Variants in BZW2 observed in about 807,000 individuals in gnomAD.
BZW2 encodes basic leucine zipper and W2 domains 2.
In BZW2, 23 loss-of-function variants were observed where a neutral mutation model predicts 53.2. That is an observed-to-expected ratio of 0.43 (90% confidence interval 0.31 to 0.61). The LOEUF is 0.61. Ranked by LOEUF, BZW2 falls within the 20% of genes least tolerant of loss-of-function variation. BZW2 has a pLI of 0.09. For missense variants in BZW2, 409 were observed against 503.1 expected (o/e 0.81, Z 1.79); for synonymous variants, 227 against 186.4 (o/e 1.22, Z -1.77).
At chr7:16,673,053 C>G (rs1036828066) in intron 2 of BZW2, among the ~76,000 whole-genome samples, 23 of 152,118 alleles carry the variant, frequency 1.5e-4, no homozygotes, top group African/African-American at 5.3e-4. Flanking sequence ...TCAAGTGATT[C>G]TCCTGCTTCA....
intron 2 of BZW2, among the ~76,000 whole-genome samples, chr7:16,673,145 A>T (rs919335900): frequency 5.9e-5 from 9 of 151,916 alleles, no homozygotes. Flanking sequence ...ACGGGGTTTC[A>T]CCACGTTAGC....
chr7:16,681,194 T>G, intron 3 of BZW2, 107 bp from the exon 4 acceptor site: 1 of 858,164 alleles, frequency 1.2e-6, no homozygotes, highest in Non-Finnish European at 1.8e-6. Context: ...TCTTAGATTT[T>G]ACATCTACTT....
intron 6 of BZW2, among the ~76,000 whole-genome samples, chr7:16,688,244 T>G (rs1562492443): frequency 6.6e-6 from 1 of 152,180 alleles, no homozygotes; most frequent in Non-Finnish European, 1.5e-5. Context: ...ATTCAGGACT[T>G]AAGTATTTTT....
intron 1 of BZW2, among the ~76,000 whole-genome samples, chr7:16,653,810 G>A (rs913238335): frequency 6.6e-6 from 1 of 152,104 alleles, no homozygotes; most frequent in African/African-American, 2.4e-5. Flanking sequence ...CATGGAGTGG[G>A]GCTAGGATAT....
chr7:16,689,685 C>T, intron 6 of BZW2, 112 bp from the exon 7 acceptor site: 2 of 777,960 alleles, frequency 2.6e-6, no homozygotes, highest in Admixed American at 3.4e-5. Flanking sequence ...TCATTTGTAC[C>T]AAAATTAGTC....
chr7:16,681,933 A>G (rs1250369831), intron 4 of BZW2, among the ~76,000 whole-genome samples: 1 of 152,192 alleles, frequency 6.6e-6, no homozygotes, highest in Admixed American at 6.5e-5. Flanking sequence ...TTTTTCTTGT[A>G]TACATGTTAA....
chr7:16,694,755 T>G, intron 7 of BZW2, 79 bp from the exon 8 acceptor site: 2 of 1,172,296 alleles, frequency 1.7e-6, no homozygotes, highest in Non-Finnish European at 1.2e-6. Flanking sequence ...ATATTCTAAG[T>G]GAAATGAAGA....
At chr7:16,657,111 G>A (rs140221030) in intron 1 of BZW2, among the ~76,000 whole-genome samples, 45 of 152,252 alleles carry the variant, frequency 3.0e-4, no homozygotes, top group Middle Eastern at 6.8e-3. Context: ...ATTATTGCTC[G>A]TGACTCTTTG....
intron 2 of BZW2, among the ~76,000 whole-genome samples, chr7:16,673,619 C>T (rs562474499): frequency 3.3e-5 from 5 of 152,108 alleles, no homozygotes; most frequent in East Asian, 3.9e-4. Flanking sequence ...CAAAAACTCC[C>T]TTTGGAATGC....
intron 6 of BZW2, 51 bp downstream of exon 6, chr7:16,686,091 G>T (rs768847978): frequency 1.3e-6 from 2 of 1,597,600 alleles, no homozygotes; most frequent in Non-Finnish European, 1.7e-6. Flanking sequence ...GAAAAATAAA[G>T]TCACAGATAG....
chr7:16,671,930 C>CAAAAAAAA lies in BZW2; in HGVS notation c.59-2472_59-2465dup, dbSNP rs56356463. On this transcript the variant is annotated intron_variant, in intron 2 of 11. Coordinates refer to ENST00000258761, the MANE Select transcript of BZW2 (RefSeq NM_014038.3). Reference sequence around the variant, plus strand: ...TGGGTGACAGAGTGAGACCCTGTTTCAAAAAAAAAAAAAAAAATCGGAACA... The same window carrying CAAAAAAAA: ...TGGGTGACAGAGTGAGACCCTGTTTCAAAAAAAAAAAAAAAAAAAAAAAAATCGGAACA... Among the ~76,000 whole-genome samples the CAAAAAAAA allele has an allele frequency of 1.1e-4, 11 of 99,400 alleles. 1 individual carries two copies. Among genetic ancestry groups the CAAAAAAAA allele is most frequent in the Non-Finnish European group, 1.4e-4 (7 of 50,626 alleles). The allele number at this position is 99,400 out of a possible 152,430, so 65.2% of individuals were successfully genotyped here. A position where few individuals can be genotyped will look rare whatever the true frequency, so the allele number is the denominator to read the frequency against.
intron 1 of BZW2, chr7:16,662,171 G>A (rs1190930828): frequency 1.3e-5 from 2 of 152,058 alleles, no homozygotes; most frequent in African/African-American, 4.8e-5. Context: ...AGGGAAGTGG[G>A]GCCTCTGCTC....
intron 7 of BZW2, 53 bp downstream of exon 7, chr7:16,689,959 A>T: frequency 7.3e-7 from 1 of 1,374,976 alleles, no homozygotes; most frequent in Non-Finnish European, 1.0e-6. Flanking sequence ...CTTGGAGCTT[A>T]AGCAATGCCT....
At chr7:16,697,878 C>T (rs1783548760) in intron 9 of BZW2, 170 bp from the exon 10 acceptor site, 1 of 722,048 alleles carries the variant, frequency 1.4e-6, no homozygotes, top group African/African-American at 1.8e-5. Context: ...TGCTTTGTTC[C>T]TACTGTTCTG....
intron 2 of BZW2, 56 bp from the exon 3 acceptor site, chr7:16,674,356 A>T: frequency 7.5e-7 from 1 of 1,333,564 alleles, no homozygotes; most frequent in Non-Finnish European, 1.0e-6. Flanking sequence ...TTTGATTGTT[A>T]TACTCTCAGT....
At chr7:16,666,705 T>A (rs780781661) in intron 2 of BZW2, among the ~76,000 whole-genome samples, 3 of 152,170 alleles carry the variant, frequency 2.0e-5, no homozygotes, top group Admixed American at 6.5e-5. Flanking sequence ...GGTCTTGCTC[T>A]GACACCTAGG....
At chr7:16,698,816 G>T (rs1426289893) in intron 10 of BZW2, among the ~76,000 whole-genome samples, 1 of 152,070 alleles carries the variant, frequency 6.6e-6, no homozygotes, top group Non-Finnish European at 1.5e-5. Flanking sequence ...TATTTTTTGG[G>T]CCTACATTTA....
intron 1 of BZW2, among the ~76,000 whole-genome samples, chr7:16,662,566 C>G (rs554169455): frequency 6.6e-6 from 1 of 151,450 alleles, no homozygotes; most frequent in Non-Finnish European, 1.5e-5. Flanking sequence ...GTTCTAAACC[C>G]CAAAACAAAA....
intron 6 of BZW2, chr7:16,687,006 C>T (rs1355591524): frequency 1.3e-5 from 2 of 152,116 alleles, no homozygotes; most frequent in African/African-American, 4.8e-5. Context: ...AGCCATTTTG[C>T]ACACAGAAAG....
Sources: gnomAD v4.1 joint callset for allele counts (sites outside exome capture counted in the v4.1 genomes callset) on GRCh38, gnomAD v4.1.1 for gene constraint, MANE v1.5 for transcripts, NCBI Gene and HGNC (gene_info 2026-07-23, HGNC 2026-07-21) for gene names.